The following CTNNA2 variants were observed in gnomAD, a reference collection of about 807,000 sequenced individuals.
CTNNA2 encodes the protein catenin alpha 2.
Under a neutral mutation model 101.0 loss-of-function variants are expected in CTNNA2, and 42 were observed. The ratio of observed to expected loss-of-function variants is 0.42; its 90% CI spans 0.32 to 0.54. The LOEUF (loss-of-function observed/expected upper bound fraction) is 0.54. Among genes scored for constraint, CTNNA2 ranks in the 20% least tolerant of loss-of-function variants. The pLI is 0.14. For synonymous variants in CTNNA2, 450 were observed against 456.4 expected, an observed-to-expected ratio of 0.99 and a Z score of 0.18; for missense variants, 871 against 1,223.1, an observed-to-expected ratio of 0.71 and a Z score of 4.29.
At chr2:80,073,291 G>A (rs777884124) in intron 7 of CTNNA2, among the ~76,000 whole-genome samples, 2 of 152,176 alleles carry the variant, frequency 1.3e-5, no homozygotes, top group Admixed American at 6.5e-5. Flanking sequence ...AGGTTTGCAG[G>A]CAGAGAGGTT....
intron 1 of CTNNA2, among the ~76,000 whole-genome samples, chr2:79,634,319 T>C (rs1340734222): frequency 6.6e-6 from 1 of 152,198 alleles, no homozygotes; most frequent in Non-Finnish European, 1.5e-5. Context: ...CTTTAAGCTG[T>C]CAGTACTGGG....
chr2:80,018,593 A>G (rs1048303625), intron 7 of CTNNA2, among the ~76,000 whole-genome samples: 8 of 152,092 alleles, frequency 5.3e-5, no homozygotes, highest in Non-Finnish European at 1.2e-4. Flanking sequence ...TGGCTAACAC[A>G]GTGAAACCCT....
intron 2 of CTNNA2, among the ~76,000 whole-genome samples, chr2:79,676,520 TAC>T (rs1272283069): frequency 1.3e-5 from 2 of 152,150 alleles, no homozygotes; most frequent in East Asian, 3.9e-4. Flanking sequence ...CCTGGAGGAA[TAC>T]AGTCTGCCCA....
chr2:80,168,330 G>T (rs771477768), intron 7 of CTNNA2, among the ~76,000 whole-genome samples: 40 of 152,140 alleles, frequency 2.6e-4, no homozygotes, highest in Non-Finnish European at 5.9e-4. Flanking sequence ...GCATTGAGGT[G>T]CAGGGATGTG....
intron 4 of CTNNA2, among the ~76,000 whole-genome samples, chr2:79,385,737 T>C (rs1432387189): frequency 1.3e-5 from 2 of 151,984 alleles, no homozygotes; most frequent in Non-Finnish European, 1.5e-5. Flanking sequence ...CCCGTGTCCA[T>C]GTGTTCTCAC....
chr2:79,847,853 T>C (rs1680362713), intron 3 of CTNNA2, among the ~76,000 whole-genome samples: 1 of 152,186 alleles, frequency 6.6e-6, no homozygotes, highest in Non-Finnish European at 1.5e-5. Context: ...GCTAGCATGT[T>C]TGATGCTCGC....
At chr2:79,361,228 T>G (rs1406953994) in intron 3 of CTNNA2, among the ~76,000 whole-genome samples, 1 of 152,190 alleles carries the variant, frequency 6.6e-6, no homozygotes, top group African/African-American at 2.4e-5. Context: ...TTATTGGCTG[T>G]TTTTTAATAG....
chr2:80,235,678 G>A (rs543659716), intron 7 of CTNNA2, among the ~76,000 whole-genome samples: 56 of 152,286 alleles, frequency 3.7e-4, no homozygotes, highest in Non-Finnish European at 6.0e-4. Context: ...CCCCACCTTA[G>A]GGGAGAATTA....
intron 9 of CTNNA2, among the ~76,000 whole-genome samples, chr2:80,473,824 G>T (rs1685504424): frequency 1.3e-5 from 2 of 152,170 alleles, no homozygotes. Flanking sequence ...GGGGGTCCCT[G>T]ACTGGCTGCT....
At chr2:80,497,085 G>A (rs917630399) in intron 9 of CTNNA2, among the ~76,000 whole-genome samples, 6 of 152,164 alleles carry the variant, frequency 3.9e-5, no homozygotes, top group South Asian at 2.1e-4. Context: ...AGTAGAGCCC[G>A]AAAAGTTTTG....
intron 2 of CTNNA2, among the ~76,000 whole-genome samples, chr2:79,675,753 T>C (rs1229563445): frequency 3.3e-5 from 5 of 152,198 alleles, no homozygotes; most frequent in Non-Finnish European, 4.4e-5. Flanking sequence ...GTGCTCGGCA[T>C]GTAGTAGTTA....
chr2:79,385,045 A>G (rs1465326435), intron 4 of CTNNA2, among the ~76,000 whole-genome samples: 1 of 152,208 alleles, frequency 6.6e-6, no homozygotes, highest in East Asian at 1.9e-4. Flanking sequence ...TGACCTATGC[A>G]TAGAATGTCC....
chr2:79,797,033 T>G lies in CTNNA2; in HGVS notation c.298+52451T>G, dbSNP rs1219632229. ...TCCAGCTCTGTTGCCAAAATTCCCA[T>G]TAAGGTCATTACATTATGTCTTTAA... is the stretch of plus-strand genomic sequence containing the variant. On this transcript the variant is annotated intron_variant, in intron 3 of 18. Transcript: ENST00000402739. Among the ~76,000 whole-genome samples, 4 of 152,158 alleles carry G rather than the reference T, an allele frequency of 2.6e-5. No individual in the cohort carries two copies. The East Asian group carries it at 7.7e-4, about 29-fold the overall frequency.
chr2:79,281,032 C>G (rs976778336), intron 2 of CTNNA2, among the ~76,000 whole-genome samples: 10 of 152,118 alleles, frequency 6.6e-5, no homozygotes, highest in African/African-American at 9.7e-5. Flanking sequence ...CATTCCCCCT[C>G]TTTGCTGTCC....
intron 3 of CTNNA2, among the ~76,000 whole-genome samples, chr2:79,852,892 A>C (rs977418351): frequency 2.0e-5 from 3 of 150,788 alleles, no homozygotes; most frequent in Non-Finnish European, 4.4e-5. Context: ...GCACAGCCGC[A>C]GTTTAACCCT....
intron 4 of CTNNA2, among the ~76,000 whole-genome samples, chr2:79,430,210 A>ATGT (rs1381065618): frequency 6.6e-6 from 1 of 152,042 alleles, no homozygotes; most frequent in Non-Finnish European, 1.5e-5. Flanking sequence ...ACTACACCAA[A>ATGT]AAGGCTGTAA....
chr2:80,576,239 T>A (rs1695031795), intron 13 of CTNNA2: 1 of 152,128 alleles, frequency 6.6e-6, no homozygotes, highest in Non-Finnish European at 1.5e-5. Flanking sequence ...AATGGTGATG[T>A]TGGTATCCAA....
At chr2:79,682,624 A>C (rs7594916) in intron 2 of CTNNA2, among the ~76,000 whole-genome samples, 46,309 of 151,954 alleles carry the variant, frequency 0.3, 7,433 homozygotes, top group Admixed American at 0.36. Context: ...TGAGTCATGA[A>C]ATATAAGGGG....
At chr2:80,511,154 C>A (rs576324111) in intron 9 of CTNNA2, among the ~76,000 whole-genome samples, 6 of 152,246 alleles carry the variant, frequency 3.9e-5, no homozygotes, top group South Asian at 2.1e-4. Flanking sequence ...TCATCCCTAC[C>A]TTTTTATGCC....
Sources: allele counts gnomAD v4.1 joint callset (sites outside exome capture counted in the v4.1 genomes callset), GRCh38; gene constraint gnomAD v4.1.1; transcripts MANE v1.5; gene names NCBI Gene and HGNC (gene_info 2026-07-23, HGNC 2026-07-21).